The following UBASH3B variants were observed in gnomAD, a reference collection of about 807,000 sequenced individuals.
The protein encoded by UBASH3B is ubiquitin-associated and SH3 domain-containing protein B.
Under a neutral mutation model 83.4 loss-of-function variants are expected in UBASH3B, and 37 were observed. That is an observed-to-expected ratio of 0.44 (90% confidence interval 0.34 to 0.58). The LOEUF is 0.58. Ranked by LOEUF, UBASH3B falls within the 20% of genes least tolerant of loss-of-function variation. The pLI is 0.01. For missense variants in UBASH3B, 657 were observed against 827.2 expected (o/e 0.79, Z 2.52); for synonymous variants, 304 against 318.3 (o/e 0.96, Z 0.48).
Position 122,810,063 on chromosome 11 carries a change from C to T in UBASH3B, c.*177C>T. Reference sequence around the variant, plus strand: ...GTGTAAATGAGAGAAAGACTTGATTCAGAGGAAAAAAATGTGTTCTCTCTG... The same window carrying T: ...GTGTAAATGAGAGAAAGACTTGATTTAGAGGAAAAAAATGTGTTCTCTCTG... On this transcript the variant is annotated 3_prime_UTR_variant, in exon 14 of 14. Transcript: ENST00000284273. 1.4e-6 allele frequency: 1 copy of T among 731,082 alleles called. No individual in the cohort carries two copies. The highest frequency in any genetic ancestry group is 2.1e-6 in the Non-Finnish European group (1 of 475,054). The allele number at this position is 731,082 out of a possible 1,614,324, so 45.3% of individuals were successfully genotyped here.
intron 1 of UBASH3B, among the ~76,000 whole-genome samples, chr11:122,737,421 G>C (rs1860952044): frequency 6.6e-6 from 1 of 152,186 alleles, no homozygotes; most frequent in South Asian, 2.1e-4. Flanking sequence ...TGATGAATTA[G>C]ATAGGAGAGG....
chr11:122,800,341 C>T (rs935577458), intron 10 of UBASH3B, among the ~76,000 whole-genome samples: 1 of 145,648 alleles, frequency 6.9e-6, no homozygotes, highest in African/African-American at 2.6e-5. Context: ...AGATCGAGAC[C>T]ATCCTGGCTC....
intron 1 of UBASH3B, among the ~76,000 whole-genome samples, chr11:122,735,652 A>G (rs1480292839): frequency 6.6e-6 from 1 of 152,252 alleles, no homozygotes; most frequent in Non-Finnish European, 1.5e-5. Flanking sequence ...TAATTCCACC[A>G]TATTTCACAG....
At chr11:122,734,470 G>A (rs1408148352) in intron 1 of UBASH3B, among the ~76,000 whole-genome samples, 1 of 152,084 alleles carries the variant, frequency 6.6e-6, no homozygotes, top group Non-Finnish European at 1.5e-5. Context: ...CTAGTTGTTG[G>A]TGGCTTCCAG....
intron 1 of UBASH3B, among the ~76,000 whole-genome samples, chr11:122,720,164 G>A (rs937105198): frequency 4.6e-5 from 7 of 152,056 alleles, no homozygotes; most frequent in Non-Finnish European, 8.8e-5. Flanking sequence ...TCCAGACTCC[G>A]TACTCAGCAT....
chr11:122,691,552 G>A (rs574861018), intron 1 of UBASH3B, among the ~76,000 whole-genome samples: 1 of 152,226 alleles, frequency 6.6e-6, no homozygotes, highest in Non-Finnish European at 1.5e-5. Context: ...GGGTGCTGCT[G>A]GACTCTCACT....
intron 1 of UBASH3B, among the ~76,000 whole-genome samples, chr11:122,757,377 G>C (rs976821328): frequency 5.3e-5 from 8 of 152,182 alleles, no homozygotes; most frequent in African/African-American, 1.7e-4. Context: ...CCCCTCCCCA[G>C]AGCTCAGTCA....
At chr11:122,718,506 G>C (rs1293808886) in intron 1 of UBASH3B, among the ~76,000 whole-genome samples, 1 of 152,132 alleles carries the variant, frequency 6.6e-6, no homozygotes, top group African/African-American at 2.4e-5. Flanking sequence ...TTGAACACTG[G>C]CTTCTTGATC....
intron 6 of UBASH3B, among the ~76,000 whole-genome samples, chr11:122,790,069 G>A (rs1345848392): frequency 6.6e-6 from 1 of 152,174 alleles, no homozygotes. Flanking sequence ...ATCTAGCCAG[G>A]GTCTGCATGC....
intron 1 of UBASH3B, among the ~76,000 whole-genome samples, chr11:122,726,010 T>C (rs1369128386): frequency 6.6e-6 from 1 of 152,156 alleles, no homozygotes; most frequent in Non-Finnish European, 1.5e-5. Context: ...CATTTTTCTA[T>C]AGAATATATT....
rs1860731934 is a variant in UBASH3B, at chr11:122,776,258, G to A, written c.201G>A (p.Gln67=). 3 of 1,608,766 alleles carry A rather than the reference G, an allele frequency of 1.9e-6. No individual in the cohort carries two copies. The highest frequency in any genetic ancestry group is 2.5e-6 in the Non-Finnish European group (3 of 1,178,194). Residue 67 remains glutamine, a synonymous_variant, in exon 2 of 14, where the codon CAG becomes CAA. Coordinates refer to ENST00000284273, the MANE Select transcript of UBASH3B (RefSeq NM_032873.5). ...CATCCACGGGAGGAAGAAGTGTTCA[G>A]GCAGCATGTGACTGGTTGGTATGAG... ...ALASTGGRSV[Q]AACDWLFSHV... is the part of the protein sequence containing the mutation.
At chr11:122,752,510 T>C (rs1306185178) in intron 1 of UBASH3B, among the ~76,000 whole-genome samples, 1 of 152,208 alleles carries the variant, frequency 6.6e-6, no homozygotes, top group Non-Finnish European at 1.5e-5. Context: ...GCTTCTCGCC[T>C]CAGGAAGCTC....
intron 1 of UBASH3B, among the ~76,000 whole-genome samples, chr11:122,739,040 T>G (rs1860981773): frequency 6.6e-6 from 1 of 152,192 alleles, no homozygotes; most frequent in African/African-American, 2.4e-5. Flanking sequence ...ACTCTGTTGC[T>G]CAGGCTGGAG....
At chr11:122,690,214 T>TATATATATATAATTATATA (rs1863873410) in intron 1 of UBASH3B, among the ~76,000 whole-genome samples, 1 of 52,682 alleles carries the variant, frequency 1.9e-5, no homozygotes, top group Non-Finnish European at 3.3e-5. Context: ...ATATATCCAA[T>TATATATATATAATTATATA]TATATATATA....
intron 11 of UBASH3B, among the ~76,000 whole-genome samples, chr11:122,804,743 A>G (rs1291007106): frequency 6.6e-6 from 1 of 152,218 alleles, no homozygotes; most frequent in Non-Finnish European, 1.5e-5. Flanking sequence ...TCTGATCAAG[A>G]GGCCATGTGA....
chr11:122,797,200 C>T, intron 9 of UBASH3B, 167 bp downstream of exon 9: 1 of 967,466 alleles, frequency 1.0e-6, no homozygotes, highest in Non-Finnish European at 1.5e-6. Context: ...GGACACTGTG[C>T]TCAGCCCTGG....
At position 122,656,074 on chromosome 11, in the gene UBASH3B, C is replaced by A. The variant is rs1211217348; in HGVS notation, c.25C>A (p.Pro9Thr). 6 of 1,600,286 alleles carry A rather than the reference C, an allele frequency of 3.7e-6. No homozygotes were observed. The Admixed American group carries it at 1.0e-4, about 27-fold the overall frequency. ...CATGGCTCAGTACGGCCACCCCAGT[C>A]CGCTCGGCATGGCTGCGAGAGAGGA... is the stretch of plus-strand genomic sequence containing the variant. MAQYGHPS[P>T]LGMAAREELY... is the part of the protein sequence containing the mutation. The change falls in exon 1 of 14, where the codon CCG becomes ACG. Residue 9 changes from proline (P) to threonine (T), a missense_variant. Pro to Thr is a conservative substitution (Grantham distance 38). Transcript: ENST00000284273.
intron 1 of UBASH3B, among the ~76,000 whole-genome samples, chr11:122,714,943 T>A (rs564952305): frequency 6.6e-6 from 1 of 152,290 alleles, no homozygotes; most frequent in South Asian, 2.1e-4. Flanking sequence ...AAATTTTTTG[T>A]TGTTGTTCTT....
In UBASH3B at chr11:122,813,341, T is replaced by A. The variant is rs1861482598; in HGVS notation, c.*3455T>A. 3 of 152,226 alleles carry A rather than the reference T, an allele frequency of 2.0e-5. No individual in the cohort carries two copies. In the South Asian group the frequency reaches 6.2e-4, roughly 31 times the overall value. The allele number at this position is 152,226 out of a possible 1,614,324, so 9.4% of individuals were successfully genotyped here. Reference sequence around the variant, plus strand: ...ACAGCTACAGTAAAAGAAGTTCCTATCTCATTGCCTTTGTGGAAAGGCTTC... The same window carrying A: ...ACAGCTACAGTAAAAGAAGTTCCTAACTCATTGCCTTTGTGGAAAGGCTTC... On this transcript the variant is annotated 3_prime_UTR_variant, in exon 14 of 14. Transcript: ENST00000284273.
Sources: allele counts gnomAD v4.1 joint callset (sites outside exome capture counted in the v4.1 genomes callset), GRCh38; gene constraint gnomAD v4.1.1; transcripts MANE v1.5; gene names NCBI Gene and HGNC (gene_info 2026-07-23, HGNC 2026-07-21).